Variants in PCDHGB5 observed in about 807,000 individuals in gnomAD.
PCDHGB5 encodes the protein protocadherin gamma subfamily B, 5.
In PCDHGB5, 48 loss-of-function variants were observed where a neutral mutation model predicts 62.9. The observed-to-expected ratio is 0.76, with a 90% CI of 0.61 to 0.97. PCDHGB5 has a LOEUF of 0.97. Among genes scored for constraint, PCDHGB5 ranks in the 50% least tolerant of loss-of-function variants. The pLI is 0.00. For synonymous variants in PCDHGB5, 474 were observed against 511.2 expected (o/e 0.93, Z 0.98); for missense variants, 1,118 against 1,198.6 (o/e 0.93, Z 0.99).
rs537684458 is a variant in PCDHGB5, at chr5:141,431,679, T to G, written c.2397+31155T>G. The G allele has an allele frequency of 1.5e-5, 24 of 1,614,222 alleles. No individual in the cohort carries two copies. The highest frequency in any genetic ancestry group is 3.3e-5 in the Admixed American group (2 of 60,028). On this transcript the variant is annotated intron_variant, in intron 1 of 3. Coordinates refer to ENST00000617380, the MANE Select transcript of PCDHGB5 (RefSeq NM_018925.3). The surrounding 1 kb of genome is among the most constrained non-coding windows in gnomAD (Gnocchi z 4.8). ...GGGACAATATCAACAATAGGGGAGT[T>G]GGACCACGAGGAGTCAGGATTCTAC...
intron 2 of PCDHGB5, among the ~76,000 whole-genome samples, chr5:141,497,543 T>C (rs896069181): frequency 4.7e-5 from 7 of 149,068 alleles, no homozygotes; most frequent in Non-Finnish European, 9.0e-5. Context: ...AACAAACCTT[T>C]TTTTTTTTTT....
chr5:141,473,374 G>A (rs1437989884), intron 1 of PCDHGB5, among the ~76,000 whole-genome samples: 1 of 152,204 alleles, frequency 6.6e-6, no homozygotes, highest in African/African-American at 2.4e-5. Context: ...AAATAGCATG[G>A]TCCCTGCCCT....
chr5:141,420,840 T>A (rs2096528017), intron 1 of PCDHGB5, among the ~76,000 whole-genome samples: 1 of 152,250 alleles, frequency 6.6e-6, no homozygotes, highest in African/African-American at 2.4e-5. Flanking sequence ...TCGCAGGTGT[T>A]CTTGGTAAAG....
In PCDHGB5 at chr5:141,489,684, T is replaced by C. The variant is rs2099690710; in HGVS notation, c.2398-5123T>C. 1.2e-6 allele frequency: 2 copies of C among 1,614,062 alleles called. No individual in the cohort carries two copies. The highest frequency in any genetic ancestry group is 8.5e-7 in the Non-Finnish European group (1 of 1,180,034). On this transcript the variant is annotated intron_variant, in intron 1 of 3. Coordinates refer to ENST00000617380, the MANE Select transcript of PCDHGB5 (RefSeq NM_018925.3). This position sits in a 1 kb window ranked among gnomAD's most constrained non-coding sequence, Gnocchi z 4.5. ...TGCGCATCTCAGAATCAGCAGCATCTGGGGCACGATTCCCACTGGACAGTG... is the reference window on the plus strand; with the variant it reads ...TGCGCATCTCAGAATCAGCAGCATCCGGGGCACGATTCCCACTGGACAGTG...
At chr5:141,423,094 C>CGCGTGCGT (rs2096708722) in intron 1 of PCDHGB5, 4 of 1,613,860 alleles carry the variant, frequency 2.5e-6, no homozygotes, top group African/African-American at 2.7e-5. Flanking sequence ...GGTGGGGGAG[C>CGCGTGCGT]ACACGGGCGA....
At chr5:141,510,518 G>A (rs904482737) in intron 3 of PCDHGB5, among the ~76,000 whole-genome samples, 9 of 152,112 alleles carry the variant, frequency 5.9e-5, no homozygotes, top group Non-Finnish European at 1.0e-4. Flanking sequence ...CCGTGTCACA[G>A]CCCTGAGAGA....
Position 141,487,399 on chromosome 5 carries a change from G to T in PCDHGB5, c.2398-7408G>T, listed in dbSNP as rs749826036. 6.2e-7 allele frequency: 1 copy of T among 1,614,140 alleles called. No individual in the cohort carries two copies. The highest frequency in any genetic ancestry group is 8.5e-7 in the Non-Finnish European group (1 of 1,180,014). ...TCACCAGATCTCGAAGGAGGGAGGG[G>T]CTTCCCCCTTCCAATGGGATCCTCC... On this transcript the variant is annotated intron_variant, in intron 1 of 3. Transcript: ENST00000617380. The surrounding 1 kb of genome is among the most constrained non-coding windows in gnomAD (Gnocchi z 5.0).
At position 141,431,280 on chromosome 5, in the gene PCDHGB5, C is replaced by G; in HGVS notation, c.2397+30756C>G. ...TCTCTGCAGAGCTACGAGCTCAGCC[C>G]GAACACTCACTTCTCCCTCATCGTG... On this transcript the variant is annotated intron_variant, in intron 1 of 3. Transcript: ENST00000617380. This position sits in a 1 kb window ranked among gnomAD's most constrained non-coding sequence, Gnocchi z 4.8. The G allele has an allele frequency of 6.2e-7, 1 of 1,614,146 alleles. No homozygotes were observed. The highest frequency in any genetic ancestry group is 8.5e-7 in the Non-Finnish European group (1 of 1,180,040).
At chr5:141,488,083 C>T (rs917074240) in intron 1 of PCDHGB5, among the ~76,000 whole-genome samples, 1 of 152,152 alleles carries the variant, frequency 6.6e-6, no homozygotes, top group African/African-American at 2.4e-5. Context: ...GTATCTAGTA[C>T]ACTGTGAAGG....
intron 1 of PCDHGB5, chr5:141,422,878 C>T: frequency 6.2e-7 from 1 of 1,614,264 alleles, no homozygotes; most frequent in African/African-American, 1.3e-5. Flanking sequence ...GTCGCTGAGC[C>T]TGTTCGTGCT....
intron 1 of PCDHGB5, chr5:141,408,041 C>T: frequency 1.7e-6 from 2 of 1,193,652 alleles, no homozygotes; most frequent in Non-Finnish European, 2.3e-6. Context: ...AAACCAGCTC[C>T]CACACAGAGC....
intron 1 of PCDHGB5, chr5:141,433,018 T>C: frequency 6.2e-7 from 1 of 1,614,120 alleles, no homozygotes. Flanking sequence ...TGCAGACCTA[T>C]TCCCACGAGG....
chr5:141,458,970 C>T (rs1260904595), intron 1 of PCDHGB5, among the ~76,000 whole-genome samples: 1 of 152,170 alleles, frequency 6.6e-6, no homozygotes, highest in Admixed American at 6.6e-5. Flanking sequence ...CAGCCTCAAG[C>T]AGTCCTCCTG....
Position 141,490,447 on chromosome 5 carries a change from C to A in PCDHGB5, c.2398-4360C>A, listed in dbSNP as rs1273424450. 1.2e-6 allele frequency: 2 copies of A among 1,614,196 alleles called. No homozygotes were observed. The highest frequency in any genetic ancestry group is 1.7e-5 in the Admixed American group (1 of 60,030). Reference sequence around the variant, plus strand: ...ATTTCAGATTAAGCCTTCTGAGAACCACTACTCGCTGCTAACCAGCCAGCC... The same window carrying A: ...ATTTCAGATTAAGCCTTCTGAGAACAACTACTCGCTGCTAACCAGCCAGCC... On this transcript the variant is annotated intron_variant, in intron 1 of 3. Coordinates refer to ENST00000617380, the MANE Select transcript of PCDHGB5 (RefSeq NM_018925.3). This position sits in a 1 kb window ranked among gnomAD's most constrained non-coding sequence, Gnocchi z 5.4.
chr5:141,487,590 C>G lies in PCDHGB5; in HGVS notation c.2398-7217C>G. 1 of 1,614,160 alleles carries G rather than the reference C, an allele frequency of 6.2e-7. No homozygotes were observed. Among genetic ancestry groups the G allele is most frequent in the Non-Finnish European group, 8.5e-7 (1 of 1,180,040 alleles). ...GAGCCTGTTCGCCCAAGCTGCCCACCCTCTGATCTTCTCTATGGGCTAGAG... is the reference window on the plus strand; with the variant it reads ...GAGCCTGTTCGCCCAAGCTGCCCACGCTCTGATCTTCTCTATGGGCTAGAG... On this transcript the variant is annotated intron_variant, in intron 1 of 3. Transcript: ENST00000617380. The surrounding 1 kb of genome is among the most constrained non-coding windows in gnomAD (Gnocchi z 5.0).
chr5:141,428,114 C>T (rs2097111703), intron 1 of PCDHGB5: 1 of 1,607,084 alleles, frequency 6.2e-7, no homozygotes, highest in Admixed American at 1.7e-5. Context: ...TGCAGGCCAT[C>T]GAGCCCGGGC....
chr5:141,415,536 G>A (rs1561758201), intron 1 of PCDHGB5: 1 of 1,614,150 alleles, frequency 6.2e-7, no homozygotes, highest in Non-Finnish European at 8.5e-7. Flanking sequence ...TCAGCCAGGA[G>A]AGCTGTGAGA....
At chr5:141,449,542 T>C (rs1379019468) in intron 1 of PCDHGB5, among the ~76,000 whole-genome samples, 2 of 142,482 alleles carry the variant, frequency 1.4e-5, no homozygotes, top group African/African-American at 5.3e-5. Context: ...TGAGCCGAGA[T>C]CGCACCACTG....
At chr5:141,416,501 T>C (rs1164504285) in intron 1 of PCDHGB5, 6 of 152,148 alleles carry the variant, frequency 3.9e-5, no homozygotes, top group Non-Finnish European at 7.4e-5. Context: ...AAGAGATATA[T>C]GACAAAGCTA....
Sources: gnomAD v4.1 joint callset for allele counts (sites outside exome capture counted in the v4.1 genomes callset) on GRCh38, gnomAD v4.1.1 for gene constraint, Gnocchi (gnomAD v3.1) non-coding constraint, MANE v1.5 for transcripts, NCBI Gene and HGNC (gene_info 2026-07-23, HGNC 2026-07-21) for gene names.